Variants in MSH3 observed in about 807,000 individuals in gnomAD.
The protein encoded by MSH3 is DNA mismatch repair protein Msh3.
In MSH3, 106 loss-of-function variants were observed where a neutral mutation model predicts 123.3. That is an observed-to-expected ratio of 0.86 (90% CI 0.73 to 1.01). The LOEUF (loss-of-function observed/expected upper bound fraction) is 1.01, where lower values mean the gene tolerates loss of function less well. Among genes scored for constraint, MSH3 ranks in the 50% least tolerant of loss-of-function variants. MSH3 has a pLI of 0.00. For synonymous variants in MSH3, 515 were observed against 481.4 expected, an observed-to-expected ratio of 1.07 and a Z score of -0.91; for missense variants, 1,459 against 1,347.6, an observed-to-expected ratio of 1.08 and a Z score of -1.29.
At chr5:80,775,074 A>G (rs986000062) in intron 15 of MSH3, among the ~76,000 whole-genome samples, 4 of 152,180 alleles carry the variant, frequency 2.6e-5, no homozygotes, top group African/African-American at 9.7e-5. Context: ...ACCAATAAAT[A>G]TATACAACTA....
At position 80,725,546 on chromosome 5, in the gene MSH3, A is replaced by G. The variant is rs954487188; in HGVS notation, c.1434A>G (p.Lys478=). ...AGGCAGTTACAGAGTTTTATGCAAA[A>G]GATACAGTTGACATCAAAGGTAAAT... ...AFQAVTEFYA[K]DTVDIKGSQI... is the part of the protein sequence containing the mutation. Residue 478 remains lysine (K), a synonymous_variant, in exon 9 of 24, where the codon AAA becomes AAG. Transcript: ENST00000265081. The G allele has an allele frequency of 4.3e-6, 7 of 1,612,898 alleles. No individual in the cohort carries two copies. Among genetic ancestry groups the G allele is most frequent in the Non-Finnish European group, 5.9e-6 (7 of 1,178,896 alleles).
rs1249075096 is a variant in MSH3 at position 80,813,862 on chromosome 5, T to G, written c.2813+121T>G. The G allele has an allele frequency of 7.0e-6, 8 of 1,141,338 alleles. No homozygotes were observed. In the Admixed American group the frequency reaches 1.4e-4, roughly 20 times the overall value. The allele number at this position is 1,141,338 out of a possible 1,614,324, so 70.7% of individuals were successfully genotyped here. On this transcript the variant is annotated intron_variant, in intron 20 of 23. Coordinates refer to ENST00000265081, the MANE Select transcript of MSH3 (RefSeq NM_002439.5). ...TTAAAGCACTCAACATTTAGGAGCT[T>G]AAATAAATTATTTCAAGGCCGGGCA...
At chr5:80,774,598 G>C (rs1483482698) in intron 15 of MSH3, among the ~76,000 whole-genome samples, 1 of 152,244 alleles carries the variant, frequency 6.6e-6, no homozygotes, top group East Asian at 1.9e-4. Context: ...AGAAGCTGTA[G>C]TATGTAATCA....
At chr5:80,665,008 A>T (rs923963872) in intron 2 of MSH3, 135 bp from the exon 3 acceptor site, 43 of 677,146 alleles carry the variant, frequency 6.4e-5, no homozygotes, top group African/African-American at 5.4e-4. Context: ...TTCTTTTTTT[A>T]AAAAAATCAC....
chr5:80,678,934 A>T lies in MSH3; in HGVS notation c.1181A>T (p.Gln394Leu), dbSNP rs2112818946. ...ATTTGTATTTGTTTTTAGGGAGTGC[A>T]GCCTGCCACAGGCGAGGTTGTGTTT... ...GNIFIGIVGV[Q>L]PATGEVVFDS... The change falls in exon 8 of 24, where the codon CAG becomes CTG. Residue 394 changes from glutamine to leucine, a missense_variant. Gln to Leu is a moderately radical substitution (Grantham distance 113). Transcript: ENST00000265081. 6.2e-7 allele frequency: 1 copy of T among 1,614,110 alleles called. No homozygotes were observed. Among genetic ancestry groups the T allele is most frequent in the East Asian group, 2.2e-5 (1 of 44,888 alleles).
In MSH3 at chr5:80,854,269, G is replaced by A; in HGVS notation, c.2953G>A (p.Asp985Asn). The change falls in exon 21 of 24, where the codon GAT (aspartate) becomes AAT (asparagine). Residue 985 changes from aspartate to asparagine, a missense_variant. Asp to Asn is a conservative substitution (Grantham distance 23). Transcript: ENST00000265081. ...ACTAGGAAGAGGGACGAGCACTCAT[G>A]ATGGAATTGCCATTGCCTATGCTAC... ...DELGRGTSTHDGIAIAYATLE... is the reference protein window; with the variant it reads ...DELGRGTSTHNGIAIAYATLE... 1 of 1,613,960 alleles carries A rather than the reference G, an allele frequency of 6.2e-7. No individual in the cohort carries two copies. The highest frequency in any genetic ancestry group is 8.5e-7 in the Non-Finnish European group (1 of 1,179,914).
chr5:80,820,432 A>T (rs1745185837), intron 20 of MSH3, among the ~76,000 whole-genome samples: 1 of 152,164 alleles, frequency 6.6e-6, no homozygotes, highest in Non-Finnish European at 1.5e-5. Context: ...TAGGAAACAA[A>T]TGTTTGATTA....
chr5:80,723,977 A>G (rs962239143), intron 8 of MSH3, among the ~76,000 whole-genome samples: 3 of 152,060 alleles, frequency 2.0e-5, no homozygotes, highest in African/African-American at 7.2e-5. Flanking sequence ...GCTGGTCTTA[A>G]ACTCCTGAGC....
At position 80,793,894 on chromosome 5, in the gene MSH3, G is replaced by A. The variant is rs533431113; in HGVS notation, c.2655+1050G>A. Among the ~76,000 whole-genome samples the A allele has an allele frequency of 9.7e-4, 148 of 152,288 alleles. 2 individuals are homozygous for A. In the South Asian group the frequency reaches 0.029, roughly 30 times the overall value. ...TGGAGCTGGGCACTGAAGTGGTAAGGATTGATCTTATTCAGTAATACTCCT... is the reference window on the plus strand; with the variant it reads ...TGGAGCTGGGCACTGAAGTGGTAAGAATTGATCTTATTCAGTAATACTCCT... On this transcript the variant is annotated intron_variant, in intron 19 of 23. Transcript: ENST00000265081.
intron 8 of MSH3, among the ~76,000 whole-genome samples, chr5:80,693,443 TTATA>T (rs1170741376): frequency 8.1e-6 from 1 of 124,068 alleles, no homozygotes; most frequent in African/African-American, 3.0e-5. Context: ...ATGTATATGT[TTATA>T]TAGATAAATA....
rs1580556438 is a variant in MSH3, at chr5:80,678,964, G to A, written c.1211G>A (p.Ser404Asn). Residue 404 changes from serine (S) to asparagine (N), a missense_variant, in exon 8 of 24, where the codon AGT becomes AAT. Coordinates refer to ENST00000265081, the MANE Select transcript of MSH3 (RefSeq NM_002439.5). ...QPATGEVVFD[S>N]FQDSASRSEL... ...GCCACAGGCGAGGTTGTGTTTGATA[G>A]TTTCCAGGACTCTGCTTCTCGTTCA... 6.2e-7 allele frequency: 1 copy of A among 1,614,112 alleles called. No homozygotes were observed. Among genetic ancestry groups the A allele is most frequent in the Non-Finnish European group, 8.5e-7 (1 of 1,179,992 alleles).
At chr5:80,788,529 G>A (rs1744554671) in intron 18 of MSH3, among the ~76,000 whole-genome samples, 1 of 151,600 alleles carries the variant, frequency 6.6e-6, no homozygotes, top group Non-Finnish European at 1.5e-5. Context: ...GAAAAAGTAA[G>A]ACTAGGCTTG....
intron 8 of MSH3, among the ~76,000 whole-genome samples, chr5:80,722,490 A>G (rs1751102147): frequency 6.6e-6 from 1 of 152,220 alleles, no homozygotes; most frequent in African/African-American, 2.4e-5. Flanking sequence ...CCTATCATCT[A>G]CTAATTTTCA....
At chr5:80,833,357 T>C (rs1745452283) in intron 20 of MSH3, among the ~76,000 whole-genome samples, 1 of 152,200 alleles carries the variant, frequency 6.6e-6, no homozygotes, top group South Asian at 2.1e-4. Flanking sequence ...ATTCCCTAAA[T>C]CTCTAACATA....
Position 80,654,908 on chromosome 5 carries a change from G to GCAGCGCCCC in MSH3, c.195_203dup (p.Pro67_Pro69dup), listed in dbSNP as rs60484572. 0.013 allele frequency: 19,733 copies of GCAGCGCCCC among 1,534,094 alleles called. 352 individuals carry two copies. Among genetic ancestry groups the GCAGCGCCCC allele is most frequent in the African/African-American group, 0.045 (3,020 of 66,622 alleles). On this transcript the variant is annotated inframe_insertion, in exon 1 of 24. Coordinates refer to ENST00000265081, the MANE Select transcript of MSH3 (RefSeq NM_002439.5). ...AGCGGCTGCAGCGGCCGCAGCGGCC[G>GCAGCGCCCC]CAGCGCCCCCAGCGCCCCCAGCTCC...
At chr5:80,857,650 TCA>T (rs1363374161) in intron 21 of MSH3, among the ~76,000 whole-genome samples, 31 of 152,354 alleles carry the variant, frequency 2.0e-4, no homozygotes, top group Non-Finnish European at 1.2e-4. Flanking sequence ...CAAGAAATTT[TCA>T]CCAAGGTTAC....
Position 80,778,815 on chromosome 5 carries a change from C to CT in MSH3, c.2415dup (p.Glu806Ter). ...GAGCAGCTAGTCCTTGACTGCAGTG[C>CT]TGAATGGCTTGATTTTCTAGAGTGA... On this transcript the variant is annotated frameshift_variant, in exon 17 of 24. Coordinates refer to ENST00000265081, the MANE Select transcript of MSH3 (RefSeq NM_002439.5). LOFTEE classifies it high-confidence loss of function. The CT allele has an allele frequency of 6.3e-7, 1 of 1,586,904 alleles. No individual in the cohort carries two copies. The highest frequency in any genetic ancestry group is 1.1e-5 in the South Asian group (1 of 90,462).
At chr5:80,824,415 A>C (rs13160940) in intron 20 of MSH3, among the ~76,000 whole-genome samples, 1 of 143,600 alleles carries the variant, frequency 7.0e-6, no homozygotes, top group African/African-American at 2.6e-5. Flanking sequence ...CCTCCCTCCC[A>C]GACGGGGCGG....
intron 20 of MSH3, among the ~76,000 whole-genome samples, chr5:80,842,961 G>T (rs1745653458): frequency 6.6e-6 from 1 of 152,146 alleles, no homozygotes. Context: ...AGGGGTGAGA[G>T]AGAGCATCCT....
Sources: allele counts gnomAD v4.1 joint callset (sites outside exome capture counted in the v4.1 genomes callset), GRCh38; gene constraint gnomAD v4.1.1; transcripts MANE v1.5; gene names NCBI Gene and HGNC (gene_info 2026-07-23, HGNC 2026-07-21).